The following MRPL9 variants were observed in gnomAD, a reference collection of about 807,000 sequenced individuals.
The protein encoded by MRPL9 is large ribosomal subunit protein bL9m.
In MRPL9, 25 loss-of-function variants were observed where a neutral mutation model predicts 27.6. The observed-to-expected ratio is 0.91, with a 90% CI of 0.66 to 1.27. The LOEUF is 1.27. MRPL9 is among the 50% of genes most tolerant of loss of function. MRPL9 has a pLI of 0.00. For missense variants in MRPL9, 362 were observed against 338.0 expected, an observed-to-expected ratio of 1.07 and a Z score of -0.56; for synonymous variants, 154 against 139.0, an observed-to-expected ratio of 1.11 and a Z score of -0.76.
intron 2 of MRPL9, 167 bp downstream of exon 2, chr1:151,762,823 G>T: frequency 1.2e-6 from 1 of 853,356 alleles, no homozygotes. Flanking sequence ...CAATGCTGGA[G>T]GCCAGTGTCA....
Position 151,761,566 on chromosome 1 carries a change from T to TG in MRPL9, c.487-15dup, listed in dbSNP as rs142733950. ...AAATTTCACTGTCTGAAAGGAATTA[T>TG]GAGTTTGAGTCAAAGGAGAGGAAAC... is the stretch of plus-strand genomic sequence containing the variant. On this transcript the variant is annotated splice_polypyrimidine_tract_variant and intron_variant, in intron 4 of 6. Coordinates refer to ENST00000368830, the MANE Select transcript of MRPL9 (RefSeq NM_031420.4). 6,928 of 1,579,232 alleles carry TG rather than the reference T, an allele frequency of 4.4e-3. 243 individuals carry two copies. In the African/African-American group the frequency reaches 0.081, roughly 18 times the overall value.
At position 151,760,921 on chromosome 1, in the gene MRPL9, A is replaced by AATAAAAT. The variant is rs1553276960; in HGVS notation, c.589-23_589-22insATTTTAT. 3.5e-4 allele frequency: 538 copies of AATAAAAT among 1,541,208 alleles called. 2 individuals carry two copies. In the African/African-American group the frequency reaches 6.9e-3, roughly 20 times the overall value. ...CAAGCTGCAAAAAAAAAAAAAAAAAAAAAAATCTCAGCTCAAATGAACTCT... is the reference window on the plus strand; with the variant it reads ...CAAGCTGCAAAAAAAAAAAAAAAAAAATAAAATAAAAATCTCAGCTCAAATGAACTCT... On this transcript the variant is annotated intron_variant, in intron 5 of 6. Coordinates refer to ENST00000368830, the MANE Select transcript of MRPL9 (RefSeq NM_031420.4).
chr1:151,762,584 G>T, intron 2 of MRPL9, 84 bp from the exon 3 acceptor site: 2 of 1,375,724 alleles, frequency 1.5e-6, no homozygotes, highest in Non-Finnish European at 1.0e-6. Flanking sequence ...GCACCTCTTA[G>T]TTTCTCACAG....
In MRPL9 at chr1:151,763,164, G is replaced by A. The variant is rs1380287024; in HGVS notation, c.154-18C>T. 1.9e-6 allele frequency: 3 copies of A among 1,611,458 alleles called. No homozygotes were observed. The Admixed American group carries it at 5.0e-5, about 27-fold the overall frequency. On this transcript the variant is annotated intron_variant, in intron 1 of 6. Coordinates refer to ENST00000368830, the MANE Select transcript of MRPL9 (RefSeq NM_031420.4). ...ACCGTGCCCTGGCGGCCAGGAAAGC[G>A]ACGGTAAGCTAGTCTCCACAAGGAA...
chr1:151,760,943 C>T, intron 5 of MRPL9, 44 bp from the exon 6 acceptor site: 1 of 1,399,282 alleles, frequency 7.1e-7, no homozygotes, highest in Non-Finnish European at 9.4e-7. Flanking sequence ...CTCAAATGAA[C>T]TCTGTTTTCA....
At chr1:151,762,652 G>A (rs1167028030) in intron 2 of MRPL9, 152 bp from the exon 3 acceptor site, 1 of 777,208 alleles carries the variant, frequency 1.3e-6, no homozygotes, top group Non-Finnish European at 2.0e-6. Context: ...AGATTTAAGA[G>A]ACTGCTAATT....
intron 6 of MRPL9, among the ~76,000 whole-genome samples, chr1:151,760,601 A>AAT (rs1648019066): frequency 7.0e-6 from 1 of 143,554 alleles, no homozygotes; most frequent in Non-Finnish European, 1.5e-5. Context: ...AAAAAAAAAA[A>AAT]TTAGAAAAAA....
chr1:151,763,294 G>GT (rs756839145), intron 1 of MRPL9, 33 bp downstream of exon 1: 586 of 1,576,690 alleles, frequency 3.7e-4, no homozygotes, highest in Non-Finnish European at 4.6e-4. Flanking sequence ...ATACTCGAGC[G>GT]TATCTACCCC....
intron 1 of MRPL9, 71 bp from the exon 2 acceptor site, chr1:151,763,217 GCCCCTCAAGGAAAGCCCGCCAC>G: frequency 6.4e-7 from 1 of 1,553,836 alleles, no homozygotes; most frequent in Non-Finnish European, 8.7e-7. Context: ...ACGGCCGCCA[GCCCCTCAAGGAAAGCCCGCCAC>G]CCCCACATCG....
chr1:151,763,372 C>A lies in MRPL9; in HGVS notation c.108G>T (p.Gly36=). The A allele has an allele frequency of 1.3e-6, 2 of 1,573,046 alleles. No individual in the cohort carries two copies. Among genetic ancestry groups the A allele is most frequent in the Admixed American group, 1.8e-5 (1 of 54,780 alleles). ...AGTTGCAGGCCAGGTCAGGGGCGTT[C>A]CCTTCATGTCGCGGCCGCAGTAGCT... The part of the protein sequence containing the change: ...VQELLRPRHE[G]NAPDLACNFS... The change falls in exon 1 of 7, where the codon GGG becomes GGT. Residue 36 remains glycine, a synonymous_variant. Transcript: ENST00000368830.
Position 151,760,053 on chromosome 1 carries a change from G to A in MRPL9, c.801C>T (p.Ile267=). ...AKAMAPTSPQ[I] ...CTGCCTTGGAGGGAGAGTAGATTTAGATCTGGGGGCTGGTGGGGGCCATAG... is the reference window on the plus strand; with the variant it reads ...CTGCCTTGGAGGGAGAGTAGATTTAAATCTGGGGGCTGGTGGGGGCCATAG... The change falls in exon 7 of 7, where the codon ATC becomes ATT. Residue 267 remains isoleucine, a synonymous_variant. Transcript: ENST00000368830. The A allele has an allele frequency of 1.2e-6, 2 of 1,613,918 alleles. No homozygotes were observed. Among genetic ancestry groups the A allele is most frequent in the Non-Finnish European group, 1.7e-6 (2 of 1,179,862 alleles).
chr1:151,762,172 A>G lies in MRPL9; in HGVS notation c.436-17T>C, dbSNP rs1300616850. Reference sequence around the variant, plus strand: ...TTGTCTCAGCTAGAAAAGAAAGTTAAAGATGAAAAGCAGTAAAAGAAAAAT... The same window carrying G: ...TTGTCTCAGCTAGAAAAGAAAGTTAGAGATGAAAAGCAGTAAAAGAAAAAT... On this transcript the variant is annotated splice_polypyrimidine_tract_variant and intron_variant, in intron 3 of 6. Transcript: ENST00000368830. 5 of 1,613,918 alleles carry G rather than the reference A, an allele frequency of 3.1e-6. No homozygotes were observed. Among genetic ancestry groups the G allele is most frequent in the Non-Finnish European group, 3.4e-6 (4 of 1,179,854 alleles).
At position 151,763,096 on chromosome 1, in the gene MRPL9, G is replaced by C; in HGVS notation, c.204C>G (p.Gly68=). 2 of 1,613,568 alleles carry C rather than the reference G, an allele frequency of 1.2e-6. No homozygotes were observed. The highest frequency in any genetic ancestry group is 8.5e-7 in the Non-Finnish European group (1 of 1,179,760). Residue 68 remains glycine (G), a synonymous_variant, in exon 2 of 7, where the codon GGC becomes GGG. Coordinates refer to ENST00000368830, the MANE Select transcript of MRPL9 (RefSeq NM_031420.4). Reference sequence around the variant, plus strand: ...GTCGCCGGTGCAGGCGCGGCTTCCGGCCCTCCCCGGCCAGCGGTACCTTCC... The same window carrying C: ...GTCGCCGGTGCAGGCGCGGCTTCCGCCCCTCCCCGGCCAGCGGTACCTTCC... ...RWWKVPLAGE[G]RKPRLHRRHR... is the part of the protein sequence containing the mutation.
chr1:151,762,925 G>T, intron 2 of MRPL9, 65 bp downstream of exon 2: 1 of 1,555,754 alleles, frequency 6.4e-7, no homozygotes, highest in Non-Finnish European at 8.8e-7. Context: ...TGAGGGGGAC[G>T]GGCTAGAAAA....
intron 4 of MRPL9, 114 bp downstream of exon 4, chr1:151,761,991 C>A: frequency 9.5e-7 from 1 of 1,051,068 alleles, no homozygotes; most frequent in East Asian, 2.4e-5. Context: ...CAACACTTCC[C>A]CTTTCTCCCA....
In MRPL9 at chr1:151,762,440, A is replaced by G; in HGVS notation, c.371T>C (p.Leu124Pro). The G allele has an allele frequency of 5.0e-6, 8 of 1,614,164 alleles. No homozygotes were observed. Among genetic ancestry groups the G allele is most frequent in the Admixed American group, 1.7e-5 (1 of 60,028 alleles). ...TGCATATACAGCCAGTCCCTGAGGA[A>G]GGAGTCGATTCCGGCCTAAAGATTT... ...VKKSLGRNRL[L>P]PQGLAVYASP... The change falls in exon 3 of 7, where the codon CTT becomes CCT. Residue 124 changes from leucine (L) to proline (P), a missense_variant. Coordinates refer to ENST00000368830, the MANE Select transcript of MRPL9 (RefSeq NM_031420.4).
intron 4 of MRPL9, 32 bp from the exon 5 acceptor site, chr1:151,761,584 G>A (rs1220443294): frequency 1.3e-6 from 2 of 1,500,272 alleles, no homozygotes; most frequent in East Asian, 4.5e-5. Context: ...AGTCAAAGGA[G>A]AGGAAACATG....
intron 4 of MRPL9, 80 bp downstream of exon 4, chr1:151,762,025 C>T: frequency 7.1e-7 from 1 of 1,412,146 alleles, no homozygotes; most frequent in Non-Finnish European, 1.0e-6. Context: ...AATCAGGAGA[C>T]CTCAAGGGAA....
In MRPL9 at chr1:151,762,460, A is replaced by G. The variant is rs200458387; in HGVS notation, c.351T>C (p.Ser117=). Residue 117 remains serine (S), a synonymous_variant, in exon 3 of 7, where the codon TCT becomes TCC. Coordinates refer to ENST00000368830, the MANE Select transcript of MRPL9 (RefSeq NM_031420.4). ...GAGGAAGGAGTCGATTCCGGCCTAA[A>G]GATTTCTTCACTGAGACCAGGTCAC... The part of the protein sequence containing the change: ...VRGDLVSVKK[S]LGRNRLLPQG... The G allele has an allele frequency of 6.2e-7, 1 of 1,614,168 alleles. No individual in the cohort carries two copies. The highest frequency in any genetic ancestry group is 2.2e-5 in the East Asian group (1 of 44,888).
Sources: gnomAD v4.1 joint callset for allele counts (sites outside exome capture counted in the v4.1 genomes callset) on GRCh38, gnomAD v4.1.1 for gene constraint, MANE v1.5 for transcripts, NCBI Gene and HGNC (gene_info 2026-07-23, HGNC 2026-07-21) for gene names.